PARP9: variants seen among roughly 807,000 people sequenced by gnomAD.
The protein encoded by PARP9 is poly(ADP-ribose) polymerase family member 9.
A neutral mutation model predicts 68.8 loss-of-function variants in PARP9; 48 were observed. That is an observed-to-expected ratio of 0.70 (90% CI 0.55 to 0.89). The LOEUF (loss-of-function observed/expected upper bound fraction) is 0.89, where lower values mean the gene tolerates loss of function less well. PARP9 is among the 40% of genes least tolerant of loss of function. PARP9 has a pLI of 0.00. For missense variants in PARP9, 806 were observed against 969.3 expected, an observed-to-expected ratio of 0.83 and a Z score of 2.24; for synonymous variants, 309 against 333.8, an observed-to-expected ratio of 0.93 and a Z score of 0.81.
At chr3:122,559,943 G>C (rs552532252) in intron 1 of PARP9, among the ~76,000 whole-genome samples, 105 of 152,288 alleles carry the variant, frequency 6.9e-4, no homozygotes, top group Non-Finnish European at 1.4e-3. Flanking sequence ...AATGCTCTAC[G>C]ACCTGGAACA....
intron 10 of PARP9, among the ~76,000 whole-genome samples, chr3:122,529,251 A>G (rs1276700453): frequency 6.6e-6 from 1 of 151,302 alleles, no homozygotes; most frequent in Non-Finnish European, 1.5e-5. Context: ...AAAAAAAAAA[A>G]AAAAAAAGAA....
intron 6 of PARP9, among the ~76,000 whole-genome samples, chr3:122,546,206 T>C (rs1163997420): frequency 6.6e-6 from 1 of 152,230 alleles, no homozygotes; most frequent in Non-Finnish European, 1.5e-5. Flanking sequence ...TTAGGCTTTA[T>C]TGATGGTGCA....
intron 6 of PARP9, among the ~76,000 whole-genome samples, chr3:122,550,140 C>T (rs1393849707): frequency 2.0e-5 from 3 of 152,120 alleles, no homozygotes; most frequent in African/African-American, 7.2e-5. Flanking sequence ...AGTACAATGG[C>T]GTGATCTCGG....
rs2080495358 is a variant in PARP9, at chr3:122,564,249, C to G, written c.-94G>C. The G allele has an allele frequency of 2.8e-6, 2 of 723,456 alleles. No homozygotes were observed. Among genetic ancestry groups the G allele is most frequent in the Admixed American group, 3.7e-5 (1 of 26,930 alleles). The allele number at this position is 723,456 out of a possible 1,614,324, so 44.8% of individuals were successfully genotyped here. On this transcript the variant is annotated 5_prime_UTR_variant, in exon 1 of 11. Coordinates refer to ENST00000682323, the MANE Select transcript of PARP9 (RefSeq NM_001146105.2). ...AGAGGCACCGGACCTACTCACCCGG[C>G]AGGCCGCTCTCCTCGGTGCAGACAG... is the stretch of plus-strand genomic sequence containing the variant.
Position 122,528,528 on chromosome 3 carries a change from TG to T in PARP9, c.2295del (p.Ser766AlafsTer36). 1 of 1,614,210 alleles carries T rather than the reference TG, an allele frequency of 6.2e-7. No individual in the cohort carries two copies. The highest frequency in any genetic ancestry group is 8.5e-7 in the Non-Finnish European group (1 of 1,180,028). ...CTAAAAATAACAAAGGTTTCAGGGC[TG>T]GAGACATTGTCAACCACACTGTCAT... ...DGHDSVVDNV[S>X]SPETFVIFSG... On this transcript the variant is annotated frameshift_variant, in exon 11 of 11. Coordinates refer to ENST00000682323, the MANE Select transcript of PARP9 (RefSeq NM_001146105.2). LOFTEE classifies it low-confidence loss of function (END_TRUNC).
intron 8 of PARP9, among the ~76,000 whole-genome samples, chr3:122,539,515 C>CTTT (rs1429357977): frequency 4.3e-5 from 1 of 23,182 alleles, no homozygotes; most frequent in Admixed American, 2.9e-4. Flanking sequence ...GCATTTCTTT[C>CTTT]TTTCTTTCTT....
At chr3:122,556,428 T>C (rs1293014637) in intron 3 of PARP9, among the ~76,000 whole-genome samples, 3 of 152,244 alleles carry the variant, frequency 2.0e-5, no homozygotes, top group African/African-American at 4.8e-5. Flanking sequence ...ACCATGTATA[T>C]GGGGGCTTGT....
rs766960971 is a variant in PARP9 at position 122,555,787 on chromosome 3, T to C, written c.384A>G (p.Glu128=). Residue 128 remains glutamate, a synonymous_variant, in exon 4 of 11, where the codon GAA becomes GAG. Transcript: ENST00000682323. ...ATCTGGCAACAAACTGTTTGCTCTC[T>C]TCTTGGATTTCAAATCCACCAGCTT... ...LVKAGGFEIQ[E]ESKQFVARYG... The C allele has an allele frequency of 3.7e-6, 6 of 1,613,996 alleles. No individual in the cohort carries two copies. Among genetic ancestry groups the C allele is most frequent in the African/African-American group, 1.3e-5 (1 of 74,926 alleles).
chr3:122,553,663 G>T lies in PARP9; in HGVS notation c.886-1024C>A, dbSNP rs1333656747. Reference sequence around the variant, plus strand: ...AGTCTTCCCTCTAATTGTCTTATAGGCAATAAGTGTTATTGGTTTGTTTGT... The same window carrying T: ...AGTCTTCCCTCTAATTGTCTTATAGTCAATAAGTGTTATTGGTTTGTTTGT... On this transcript the variant is annotated intron_variant, in intron 4 of 10. Transcript: ENST00000682323. Among the ~76,000 whole-genome samples the T allele has an allele frequency of 2.6e-5, 4 of 151,880 alleles. No individual in the cohort carries two copies. In the East Asian group the frequency reaches 5.8e-4, roughly 22 times the overall value.
chr3:122,532,439 C>T (rs971896949), intron 10 of PARP9: 2 of 983,780 alleles, frequency 2.0e-6, no homozygotes, highest in East Asian at 2.3e-4. Flanking sequence ...AAGGGGCAAA[C>T]ATTGCAGGAA....
chr3:122,545,724 A>G lies in PARP9; in HGVS notation c.1327-235T>C, dbSNP rs1328811304. 4 of 528,338 alleles carry G rather than the reference A, an allele frequency of 7.6e-6. No homozygotes were observed. In the African/African-American group the frequency reaches 7.6e-5, roughly 10 times the overall value. 32.7% of individuals were successfully genotyped at this position (528,338 alleles called of 1,614,324 possible). A position where few individuals can be genotyped will look rare whatever the true frequency, so the allele number is the denominator to read the frequency against. On this transcript the variant is annotated intron_variant, in intron 6 of 10. Transcript: ENST00000682323. ...GAGATGAAATCAAAATCTGGTATAAATAAAGAAGACTATACATTCCGAGAC... is the reference window on the plus strand; with the variant it reads ...GAGATGAAATCAAAATCTGGTATAAGTAAAGAAGACTATACATTCCGAGAC...
Position 122,556,140 on chromosome 3 carries a change from T to TAAAAAAA in PARP9, c.50-20_50-19insTTTTTTT. The TAAAAAAA allele has an allele frequency of 1.1e-5, 1 of 92,804 alleles. No homozygotes were observed. The highest frequency in any genetic ancestry group is 3.4e-4 in the South Asian group (1 of 2,942). The allele number at this position is 92,804 out of a possible 1,614,324, so 5.7% of individuals were successfully genotyped here. A position where few individuals can be genotyped will look rare whatever the true frequency, so the allele number is the denominator to read the frequency against. ...CCAGTCTCTGGAAAAGAAGAGAAGATTAAAAAAAAAAAAAAAAAAAAAAAA... is the reference window on the plus strand; with the variant it reads ...CCAGTCTCTGGAAAAGAAGAGAAGATAAAAAAATAAAAAAAAAAAAAAAAAAAAAAAA... On this transcript the variant is annotated intron_variant, in intron 3 of 10. Transcript: ENST00000682323.
At position 122,558,328 on chromosome 3, in the gene PARP9, C is replaced by T. The variant is rs766433635; in HGVS notation, c.49+106G>A. On this transcript the variant is annotated intron_variant, in intron 3 of 10. Coordinates refer to ENST00000682323, the MANE Select transcript of PARP9 (RefSeq NM_001146105.2). ...CCCCACAAGGGTCTGCAGTCACGCA[C>T]CTGAGCACTTGTAGGGGAGACATTC... The T allele has an allele frequency of 3.1e-6, 5 of 1,613,948 alleles. No individual in the cohort carries two copies. The South Asian group carries it at 5.5e-5, about 18-fold the overall frequency.
rs547822250 is a variant in PARP9 at position 122,552,242 on chromosome 3, C to G, written c.1107+176G>C. 2.0e-4 allele frequency among the ~76,000 whole-genome samples: 30 copies of G among 152,180 alleles called. 2 individuals carry two copies. The South Asian group carries it at 3.9e-3, about 20-fold the overall frequency. ...ACCTAAATCAAACTTCTTAAGATAA[C>G]TTATGGCAACTGTACCTGTTCAGTA... On this transcript the variant is annotated intron_variant, in intron 5 of 10. Coordinates refer to ENST00000682323, the MANE Select transcript of PARP9 (RefSeq NM_001146105.2).
chr3:122,548,982 A>T (rs1428718367), intron 6 of PARP9, among the ~76,000 whole-genome samples: 1 of 152,048 alleles, frequency 6.6e-6, no homozygotes, highest in African/African-American at 2.4e-5. Context: ...ACTCTGTGCT[A>T]GGTACTATTC....
At chr3:122,545,517 T>A (rs1181995141) in intron 6 of PARP9, 28 bp from the exon 7 acceptor site, 2 of 1,612,030 alleles carry the variant, frequency 1.2e-6, no homozygotes, top group South Asian at 2.2e-5. Context: ...GAGCAGAGAG[T>A]CATAAGCAGG....
chr3:122,538,166 GA>G (rs1161140807), intron 8 of PARP9, among the ~76,000 whole-genome samples: 1 of 150,844 alleles, frequency 6.6e-6, no homozygotes, highest in Non-Finnish European at 1.5e-5. Context: ...AACTACAACA[GA>G]AGACTGTAAA....
intron 7 of PARP9, among the ~76,000 whole-genome samples, chr3:122,543,996 AT>A (rs1305684942): frequency 3.9e-5 from 6 of 152,206 alleles, no homozygotes; most frequent in African/African-American, 1.4e-4. Context: ...AAATGGTGAC[AT>A]TTGCCGCCAT....
At chr3:122,543,705 G>C (rs182522578) in intron 7 of PARP9, among the ~76,000 whole-genome samples, 18 of 152,240 alleles carry the variant, frequency 1.2e-4, no homozygotes, top group Non-Finnish European at 2.5e-4. Context: ...TGACCTCCCC[G>C]GGCTTAGGTG....
Sources: allele counts gnomAD v4.1 joint callset (sites outside exome capture counted in the v4.1 genomes callset), GRCh38; gene constraint gnomAD v4.1.1; transcripts MANE v1.5; gene names NCBI Gene and HGNC (gene_info 2026-07-23, HGNC 2026-07-21).